SLC6A11: variants seen among roughly 807,000 people sequenced by gnomAD.
The protein encoded by SLC6A11 is solute carrier family 6 member 11, also known as sodium- and chloride-dependent GABA transporter 3.
Under a neutral mutation model 74.8 loss-of-function variants are expected in SLC6A11, and 25 were observed. The ratio of observed to expected loss-of-function variants is 0.33; its 90% CI spans 0.24 to 0.47. The LOEUF is 0.47. SLC6A11 is among the 20% of genes least tolerant of loss of function. The pLI, the probability that SLC6A11 is intolerant of heterozygous loss-of-function variation, is 1.00. For synonymous variants in SLC6A11, 330 were observed against 330.2 expected (o/e 1.00, Z 0.01); for missense variants, 574 against 837.0 (o/e 0.69, Z 3.88).
At chr3:10,925,589 G>A (rs896838540) in intron 8 of SLC6A11, among the ~76,000 whole-genome samples, 8 of 152,200 alleles carry the variant, frequency 5.3e-5, no homozygotes, top group Non-Finnish European at 7.3e-5. Context: ...GCCTGGACCC[G>A]ACCTACGTAC....
At chr3:10,848,256 G>A (rs1416331717) in intron 5 of SLC6A11, among the ~76,000 whole-genome samples, 1 of 152,188 alleles carries the variant, frequency 6.6e-6, no homozygotes, top group Admixed American at 6.5e-5. Context: ...GGACTATGGC[G>A]ATTTTCTAAG....
intron 5 of SLC6A11, among the ~76,000 whole-genome samples, chr3:10,845,068 A>G (rs1458250871): frequency 1.3e-5 from 2 of 152,232 alleles, no homozygotes; most frequent in Admixed American, 6.5e-5. Context: ...GGTTAGAAAC[A>G]TGCAGCTTGT....
Position 10,938,643 on chromosome 3 carries a change from C to G in SLC6A11, c.*241C>G, listed in dbSNP as rs1298324289. On this transcript the variant is annotated 3_prime_UTR_variant, in exon 14 of 14. Coordinates refer to ENST00000254488, the MANE Select transcript of SLC6A11 (RefSeq NM_014229.3). ...CACTGTACGGGGACTGCCAGATCTT[C>G]TGTCCTAGGGCAGTTTTAATCAATG... is the stretch of plus-strand genomic sequence containing the variant. 1.1e-5 allele frequency: 4 copies of G among 373,628 alleles called. No individual in the cohort carries two copies. The highest frequency in any genetic ancestry group is 8.5e-5 in the Admixed American group (2 of 23,438). The allele number at this position is 373,628 out of a possible 1,614,324, so 23.1% of individuals were successfully genotyped here. A position where few individuals can be genotyped will look rare whatever the true frequency, so the allele number is the denominator to read the frequency against.
intron 6 of SLC6A11, among the ~76,000 whole-genome samples, chr3:10,899,091 A>G (rs1476167820): frequency 6.6e-6 from 1 of 152,194 alleles, no homozygotes; most frequent in African/African-American, 2.4e-5. Flanking sequence ...CACCCCCATG[A>G]TTCAATTATC....
intron 1 of SLC6A11, among the ~76,000 whole-genome samples, chr3:10,817,881 CCT>C (rs1694084033): frequency 6.6e-6 from 1 of 152,166 alleles, no homozygotes; most frequent in Admixed American, 6.5e-5. Flanking sequence ...GTGAATCCTG[CCT>C]CTCTGCAGAT....
intron 6 of SLC6A11, among the ~76,000 whole-genome samples, chr3:10,883,465 G>A (rs560823108): frequency 1.2e-3 from 181 of 152,162 alleles, no homozygotes; most frequent in Non-Finnish European, 1.2e-3. Flanking sequence ...TGCTTTCTCC[G>A]GGCACTGGTG....
intron 6 of SLC6A11, among the ~76,000 whole-genome samples, chr3:10,880,759 C>G (rs1694966347): frequency 6.6e-6 from 1 of 152,088 alleles, no homozygotes; most frequent in African/African-American, 2.4e-5. Context: ...TCTATGGACT[C>G]CAGGATGGCA....
At chr3:10,858,767 G>A (rs902653352) in intron 5 of SLC6A11, among the ~76,000 whole-genome samples, 6 of 152,168 alleles carry the variant, frequency 3.9e-5, no homozygotes, top group Non-Finnish European at 8.8e-5. Flanking sequence ...GGAGCTATGT[G>A]CCTTCAAATT....
chr3:10,823,752 A>G lies in SLC6A11; in HGVS notation c.623+360A>G, dbSNP rs1575665095. ...CAAGAGTGTATTTAGCCTGGAAAGC[A>G]TAAGTCTCTAGAGGGGATAGGTTAG... On this transcript the variant is annotated intron_variant, in intron 4 of 13. Transcript: ENST00000254488. 4 of 219,308 alleles carry G rather than the reference A, an allele frequency of 1.8e-5. No homozygotes were observed. The East Asian group carries it at 3.0e-4, about 17-fold the overall frequency. 13.6% of individuals were successfully genotyped at this position (219,308 alleles called of 1,614,324 possible). A position where few individuals can be genotyped will look rare whatever the true frequency, so the allele number is the denominator to read the frequency against.
At chr3:10,892,766 C>T (rs550074766) in intron 6 of SLC6A11, among the ~76,000 whole-genome samples, 7 of 151,544 alleles carry the variant, frequency 4.6e-5, no homozygotes, top group African/African-American at 1.7e-4. Context: ...AGATGATTTA[C>T]CTGTGGTCAT....
In SLC6A11 at chr3:10,816,514, C is replaced by A. The variant is rs893729021; in HGVS notation, c.249C>A (p.Asn83Lys). 4.4e-6 allele frequency: 7 copies of A among 1,595,592 alleles called. No individual in the cohort carries two copies. The highest frequency in any genetic ancestry group is 5.1e-6 in the Non-Finnish European group (6 of 1,170,690). Residue 83 changes from asparagine to lysine, a missense_variant, in exon 1 of 14, where the codon AAC becomes AAA. Around this residue, in one of 4 missense-constraint regions of SLC6A11, gnomAD observed 215 missense variants for 357.9 expected, o/e 0.60. Transcript: ENST00000254488. The surrounding 1 kb of genome is among the most constrained non-coding windows in gnomAD (Gnocchi z 4.2). Reference protein sequence around the residue: ...VWRFPYLCYKNGGGAFLIPYV... With the variant: ...VWRFPYLCYKKGGGAFLIPYV... ...GCTTCCCCTACCTGTGCTACAAGAA[C>A]GGAGGAGGTGAGGTGATAGTGAGGA...
At chr3:10,935,502 T>A in intron 13 of SLC6A11, 1 of 304,594 alleles carries the variant, frequency 3.3e-6, no homozygotes, top group Non-Finnish European at 6.2e-6. Context: ...GGAAAAGCCC[T>A]GGGACCCAGA....
intron 5 of SLC6A11, among the ~76,000 whole-genome samples, chr3:10,858,168 G>A (rs898192468): frequency 1.3e-5 from 2 of 152,220 alleles, no homozygotes; most frequent in Non-Finnish European, 2.9e-5. Flanking sequence ...ACAGCCATTA[G>A]TGACATGATT....
intron 10 of SLC6A11, among the ~76,000 whole-genome samples, chr3:10,932,244 C>A (rs1346836471): frequency 6.6e-6 from 1 of 152,146 alleles, no homozygotes; most frequent in African/African-American, 2.4e-5. Flanking sequence ...ACTCAATCAT[C>A]ATGGATTTGT....
In SLC6A11 at chr3:10,931,468, C is replaced by T. The variant is rs563059057; in HGVS notation, c.1372-1683C>T. On this transcript the variant is annotated intron_variant, in intron 10 of 13. Coordinates refer to ENST00000254488, the MANE Select transcript of SLC6A11 (RefSeq NM_014229.3). ...CACAGAGAGGTGCCTCAGACCTGCTCCTGACCCCCACAGACCTGAATATTC... is the reference window on the plus strand; with the variant it reads ...CACAGAGAGGTGCCTCAGACCTGCTTCTGACCCCCACAGACCTGAATATTC... Among the ~76,000 whole-genome samples the T allele has an allele frequency of 5.9e-5, 9 of 152,294 alleles. No individual in the cohort carries two copies. In the South Asian group the frequency reaches 1.9e-3, roughly 32 times the overall value.
intron 5 of SLC6A11, among the ~76,000 whole-genome samples, chr3:10,870,240 C>A (rs1218882959): frequency 6.6e-6 from 1 of 152,158 alleles, no homozygotes; most frequent in East Asian, 1.9e-4. Context: ...TGTCATGATC[C>A]CAGGAGTTTC....
intron 5 of SLC6A11, among the ~76,000 whole-genome samples, chr3:10,863,634 T>G (rs1239914431): frequency 6.6e-6 from 1 of 152,186 alleles, no homozygotes; most frequent in Non-Finnish European, 1.5e-5. Context: ...GGCCTCTTAC[T>G]GAGTCCTAGA....
At chr3:10,866,828 A>G (rs756038521) in intron 5 of SLC6A11, among the ~76,000 whole-genome samples, 51 of 152,302 alleles carry the variant, frequency 3.3e-4, no homozygotes, top group Admixed American at 3.9e-4. Context: ...ACAGTGGCAA[A>G]AATTGTGAGG....
Position 10,915,446 on chromosome 3 carries a change from A to AACTCCAGTGATGTAAATT in SLC6A11, c.996-2874_996-2873insATGTAAATTACTCCAGTG, listed in dbSNP as rs1208063717. Among the ~76,000 whole-genome samples the AACTCCAGTGATGTAAATT allele has an allele frequency of 2.0e-5, 3 of 152,200 alleles. No individual in the cohort carries two copies. The highest frequency in any genetic ancestry group is 7.2e-5 in the African/African-American group (3 of 41,438). On this transcript the variant is annotated intron_variant, in intron 7 of 13. Coordinates refer to ENST00000254488, the MANE Select transcript of SLC6A11 (RefSeq NM_014229.3). This position sits in a 1 kb window ranked among gnomAD's most constrained non-coding sequence, Gnocchi z 4.3. ...AATTGTTCTGCAAGTGGGTCTTCTC[A>AACTCCAGTGATGTAAATT]ACTCCAGTGGAGTAAATTAGTACCC...
Sources: gnomAD v4.1 joint callset for allele counts (sites outside exome capture counted in the v4.1 genomes callset) on GRCh38, gnomAD v4.1.1 for gene constraint, gnomAD v4.1.1 regional missense constraint, Gnocchi (gnomAD v3.1) non-coding constraint, MANE v1.5 for transcripts, NCBI Gene and HGNC (gene_info 2026-07-23, HGNC 2026-07-21) for gene names.